The following GRIK4 variants were observed in gnomAD, a reference collection of about 807,000 sequenced individuals.
GRIK4 encodes glutamate receptor ionotropic, kainate 4.
Under a neutral mutation model 104.9 loss-of-function variants are expected in GRIK4, and 40 were observed. The observed-to-expected ratio is 0.38, with a 90% CI of 0.30 to 0.50. GRIK4 has a LOEUF of 0.50. Ranked by LOEUF, GRIK4 falls within the 20% of genes least tolerant of loss-of-function variation. The pLI, the probability that GRIK4 is intolerant of heterozygous loss-of-function variation, is 0.93. For missense variants in GRIK4, 1,047 were observed against 1,308.1 expected, an observed-to-expected ratio of 0.80 and a Z score of 3.08; for synonymous variants, 485 against 524.9, an observed-to-expected ratio of 0.92 and a Z score of 1.04.
At chr11:120,644,356 A>G (rs1056441395) in intron 1 of GRIK4, among the ~76,000 whole-genome samples, 1 of 152,194 alleles carries the variant, frequency 6.6e-6, no homozygotes, top group Non-Finnish European at 1.5e-5. Context: ...ATATTTATTG[A>G]TAACTTAACT....
At chr11:120,966,449 T>G (rs1213055528) in intron 18 of GRIK4, among the ~76,000 whole-genome samples, 2 of 152,228 alleles carry the variant, frequency 1.3e-5, no homozygotes, top group African/African-American at 4.8e-5. Context: ...CTCAGCTCAC[T>G]GCACCTCCGT....
At chr11:120,875,327 G>C (rs1490815864) in intron 11 of GRIK4, 84 bp downstream of exon 11, 1 of 871,920 alleles carries the variant, frequency 1.1e-6, no homozygotes, top group Admixed American at 1.8e-5. Context: ...ATGGCCTCCT[G>C]CTCCCAGTTA....
Position 120,926,173 on chromosome 11 carries a change from A to G in GRIK4, c.1477-14174A>G, listed in dbSNP as rs570739994. Reference sequence around the variant, plus strand: ...TAGGCCTCTCTGGGCTTTGCCACATACCATAACCTGCCTGGACCTAAGCTC... The same window carrying G: ...TAGGCCTCTCTGGGCTTTGCCACATGCCATAACCTGCCTGGACCTAAGCTC... On this transcript the variant is annotated intron_variant, in intron 13 of 20. Coordinates refer to ENST00000527524, the MANE Select transcript of GRIK4 (RefSeq NM_014619.5). Among the ~76,000 whole-genome samples, 9 of 152,228 alleles carry G rather than the reference A, an allele frequency of 5.9e-5. No individual in the cohort carries two copies. In the East Asian group the frequency reaches 1.4e-3, roughly 23 times the overall value.
chr11:120,944,792 G>A (rs983968048), intron 14 of GRIK4, among the ~76,000 whole-genome samples: 1 of 152,160 alleles, frequency 6.6e-6, no homozygotes, highest in Non-Finnish European at 1.5e-5. Context: ...TTTATTCCCA[G>A]CTTTTACAGT....
chr11:120,983,476 ACTTTGGTGTGTCC>A (rs1184296751), intron 20 of GRIK4, among the ~76,000 whole-genome samples: 1 of 152,174 alleles, frequency 6.6e-6, no homozygotes, highest in East Asian at 1.9e-4. Flanking sequence ...GCCTTATTGG[ACTTTGGTGTGTCC>A]CTTGATGATG....
chr11:120,755,639 A>G (rs1269753494), intron 3 of GRIK4, among the ~76,000 whole-genome samples: 1 of 150,140 alleles, frequency 6.7e-6, no homozygotes, highest in African/African-American at 2.5e-5. Flanking sequence ...ACCAAAGATA[A>G]TAAATAATAA....
chr11:120,644,207 A>C (rs1187695449), intron 1 of GRIK4, among the ~76,000 whole-genome samples: 1 of 152,206 alleles, frequency 6.6e-6, no homozygotes, highest in Non-Finnish European at 1.5e-5. Flanking sequence ...TGCCTCGCAC[A>C]CATTAAGTGC....
chr11:120,569,039 G>A (rs940231189), intron 1 of GRIK4, among the ~76,000 whole-genome samples: 2 of 152,190 alleles, frequency 1.3e-5, no homozygotes, highest in Non-Finnish European at 1.5e-5. Context: ...GTTGCCATTT[G>A]GATGAAAGGA....
chr11:120,515,894 C>CGCTCAGTCAGTCCAGCTACCCG (rs1259674518), intron 1 of GRIK4, among the ~76,000 whole-genome samples: 17 of 152,150 alleles, frequency 1.1e-4, no homozygotes, highest in African/African-American at 3.9e-4. Context: ...CCGTTTGTTT[C>CGCTCAGTCAGTCCAGCTACCCG]GCTCAGTCAG....
chr11:120,815,394 C>A lies in GRIK4; in HGVS notation c.264C>A (p.Pro88=). 1 of 1,548,720 alleles carries A rather than the reference C, an allele frequency of 6.5e-7. No individual in the cohort carries two copies. The highest frequency in any genetic ancestry group is 8.7e-7 in the Non-Finnish European group (1 of 1,144,492). ...ETAETMCQIL[P]KGVVAVLGPS... is the part of the protein sequence containing the mutation. ...TGGCTGCAGTGTGTCAGATCCTCCC[C>A]AAGGGGGTGGTCGCTGTCCTCGGAC... is the stretch of plus-strand genomic sequence containing the variant. The change falls in exon 5 of 21, where the codon CCC becomes CCA. Residue 88 remains proline, a synonymous_variant. Transcript: ENST00000527524.
intron 1 of GRIK4, among the ~76,000 whole-genome samples, chr11:120,583,814 T>C (rs981067320): frequency 6.6e-6 from 1 of 152,252 alleles, no homozygotes; most frequent in African/African-American, 2.4e-5. Context: ...AGTATGGCCA[T>C]TTTAACAATA....
At chr11:120,849,688 C>T (rs150221305) in intron 8 of GRIK4, among the ~76,000 whole-genome samples, 11 of 152,354 alleles carry the variant, frequency 7.2e-5, no homozygotes, top group African/African-American at 2.4e-4. Flanking sequence ...AGGGTCTTCA[C>T]TCAATAAGTG....
intron 14 of GRIK4, among the ~76,000 whole-genome samples, chr11:120,951,073 G>T (rs1943989708): frequency 6.6e-6 from 1 of 152,208 alleles, no homozygotes; most frequent in South Asian, 2.1e-4. Flanking sequence ...GATAGATCAC[G>T]TGAGAGGTCA....
intron 1 of GRIK4, among the ~76,000 whole-genome samples, chr11:120,584,418 A>G (rs1182898992): frequency 6.6e-6 from 1 of 152,194 alleles, no homozygotes; most frequent in Non-Finnish European, 1.5e-5. Context: ...CTCAGCTTCT[A>G]GGGAGGCCTC....
intron 1 of GRIK4, among the ~76,000 whole-genome samples, chr11:120,525,463 C>T (rs1435392335): frequency 6.6e-6 from 1 of 152,186 alleles, no homozygotes; most frequent in Non-Finnish European, 1.5e-5. Flanking sequence ...TGCCAGCCAG[C>T]CCCATTCATA....
At chr11:120,682,251 G>C (rs375821024) in intron 3 of GRIK4, among the ~76,000 whole-genome samples, 1 of 152,192 alleles carries the variant, frequency 6.6e-6, no homozygotes, top group Non-Finnish European at 1.5e-5. Context: ...TCACCTTGGC[G>C]GCCAATGGAC....
intron 1 of GRIK4, among the ~76,000 whole-genome samples, chr11:120,640,067 C>A (rs78606713): frequency 6.6e-6 from 1 of 152,078 alleles, no homozygotes; most frequent in African/African-American, 2.4e-5. Flanking sequence ...GGTCTTGATC[C>A]GGACCCCAAG....
chr11:120,716,353 C>T (rs944607522), intron 3 of GRIK4, among the ~76,000 whole-genome samples: 9 of 152,220 alleles, frequency 5.9e-5, no homozygotes, highest in African/African-American at 1.9e-4. Context: ...AAGCAATCCT[C>T]CCCCCTCAGC....
At chr11:120,643,804 G>C (rs1949502977) in intron 1 of GRIK4, among the ~76,000 whole-genome samples, 1 of 152,072 alleles carries the variant, frequency 6.6e-6, no homozygotes, top group Non-Finnish European at 1.5e-5. Context: ...TTGCAGCCAG[G>C]GTGTCTAATA....
Sources: allele counts gnomAD v4.1 joint callset (sites outside exome capture counted in the v4.1 genomes callset), GRCh38; gene constraint gnomAD v4.1.1; transcripts MANE v1.5; gene names NCBI Gene and HGNC (gene_info 2026-07-23, HGNC 2026-07-21).